Variants in SLC2A13 observed in about 807,000 individuals in gnomAD.
SLC2A13 encodes proton myo-inositol cotransporter.
In SLC2A13, 32 loss-of-function variants were observed where a neutral mutation model predicts 64.4. The ratio of observed to expected loss-of-function variants is 0.50; its 90% CI spans 0.37 to 0.67. The LOEUF (loss-of-function observed/expected upper bound fraction) is 0.67. Ranked by LOEUF, SLC2A13 falls within the 30% of genes least tolerant of loss-of-function variation. The pLI, the probability that SLC2A13 is intolerant of heterozygous loss-of-function variation, is 0.00. For synonymous variants in SLC2A13, 338 were observed against 327.1 expected (o/e 1.03, Z -0.36); for missense variants, 743 against 829.2 (o/e 0.90, Z 1.28).
intron 6 of SLC2A13, among the ~76,000 whole-genome samples, chr12:39,840,898 T>G (rs994480081): frequency 6.6e-6 from 1 of 152,126 alleles, no homozygotes; most frequent in Non-Finnish European, 1.5e-5. Flanking sequence ...TGAATGTCAC[T>G]TATATTGATA....
At chr12:39,902,446 G>A (rs1330047607) in intron 4 of SLC2A13, among the ~76,000 whole-genome samples, 2 of 151,946 alleles carry the variant, frequency 1.3e-5, no homozygotes, top group African/African-American at 4.8e-5. Context: ...CTATCAGTGT[G>A]CAATGTTATT....
intron 4 of SLC2A13, among the ~76,000 whole-genome samples, chr12:39,919,672 A>C (rs1945581229): frequency 6.6e-6 from 1 of 151,922 alleles, no homozygotes; most frequent in Non-Finnish European, 1.5e-5. Context: ...GGATGGAAAC[A>C]CCCCCCAAAC....
intron 3 of SLC2A13, among the ~76,000 whole-genome samples, chr12:40,026,272 G>A (rs953311372): frequency 6.6e-5 from 10 of 152,170 alleles, no homozygotes; most frequent in South Asian, 4.1e-4. Context: ...ATGAGCAAAC[G>A]TTATTAGGAT....
chr12:39,875,756 T>C (rs1231933405), intron 4 of SLC2A13, among the ~76,000 whole-genome samples: 4 of 152,322 alleles, frequency 2.6e-5, no homozygotes, highest in South Asian at 2.1e-4. Flanking sequence ...AAAAGTCAGG[T>C]CATGGTCTTA....
intron 1 of SLC2A13, among the ~76,000 whole-genome samples, chr12:40,104,743 AC>A (rs1939247371): frequency 6.6e-6 from 1 of 152,172 alleles, no homozygotes; most frequent in Non-Finnish European, 1.5e-5. Flanking sequence ...TCGCTAATAA[AC>A]CTTTCAGAGT....
intron 1 of SLC2A13, among the ~76,000 whole-genome samples, chr12:40,063,719 A>G (rs1451250949): frequency 6.6e-6 from 1 of 152,218 alleles, no homozygotes; most frequent in African/African-American, 2.4e-5. Flanking sequence ...AGAAAGTCAT[A>G]GAGGACGGAC....
At chr12:39,953,000 A>T (rs547207289) in intron 3 of SLC2A13, among the ~76,000 whole-genome samples, 313 of 151,918 alleles carry the variant, frequency 2.1e-3, no homozygotes, top group African/African-American at 6.8e-3. Context: ...TTTTTTTTTT[A>T]AAAAAAGACA....
intron 6 of SLC2A13, among the ~76,000 whole-genome samples, chr12:39,846,317 A>T (rs1030579966): frequency 6.6e-6 from 1 of 152,266 alleles, no homozygotes; most frequent in East Asian, 1.9e-4. Flanking sequence ...GGACAATAGG[A>T]GCATCACATT....
chr12:40,058,090 T>TA (rs1382406396), intron 1 of SLC2A13, among the ~76,000 whole-genome samples: 1 of 150,598 alleles, frequency 6.6e-6, no homozygotes, highest in Non-Finnish European at 1.5e-5. Flanking sequence ...GATAGATAGA[T>TA]TGATTTACTA....
intron 3 of SLC2A13, among the ~76,000 whole-genome samples, chr12:39,995,528 T>C (rs749798756): frequency 6.6e-6 from 1 of 152,226 alleles, no homozygotes; most frequent in Non-Finnish European, 1.5e-5. Context: ...TTGAGCTACA[T>C]GTATTAATTC....
At chr12:40,082,744 T>C (rs374586660) in intron 1 of SLC2A13, among the ~76,000 whole-genome samples, 7 of 152,272 alleles carry the variant, frequency 4.6e-5, no homozygotes, top group Non-Finnish European at 8.8e-5. Context: ...TGGAGTTCTG[T>C]CTCTGCCAGC....
chr12:39,829,392 CTTTTTTTTTTTTT>C (rs1202354539), intron 7 of SLC2A13: 3 of 65,796 alleles, frequency 4.6e-5, no homozygotes, highest in East Asian at 1.0e-3. Context: ...GATAGTAATT[CTTTTTTTTTTTTT>C]TTTTTTTTTT....
chr12:39,977,128 G>T (rs1018445472), intron 3 of SLC2A13, among the ~76,000 whole-genome samples: 1 of 152,172 alleles, frequency 6.6e-6, no homozygotes, highest in African/African-American at 2.4e-5. Context: ...ATGAGCTCAT[G>T]TTTATTCAGT....
intron 4 of SLC2A13, 28 bp from the exon 5 acceptor site, chr12:39,871,989 T>G (rs746974208): frequency 6.6e-6 from 10 of 1,507,472 alleles, no homozygotes; most frequent in Non-Finnish European, 8.9e-6. Flanking sequence ...AAACAATTGC[T>G]ATTGATAGTT....
rs929067579 is a variant in SLC2A13 at position 39,956,830 on chromosome 12, T to C, written c.926-5465A>G. ...AAAAAGTGGAACACTTTGTGACTAA[T>C]GGATTACAAGATGCAAACTGTAGGA... On this transcript the variant is annotated intron_variant, in intron 3 of 9. Coordinates refer to ENST00000280871, the MANE Select transcript of SLC2A13 (RefSeq NM_052885.4). Among the ~76,000 whole-genome samples, 154 of 152,300 alleles carry C rather than the reference T, an allele frequency of 1.0e-3. 1 individual carries two copies. The highest frequency in any genetic ancestry group is 3.4e-3 in the African/African-American group (141 of 41,550).
intron 3 of SLC2A13, among the ~76,000 whole-genome samples, chr12:39,987,955 C>A (rs1947058615): frequency 6.6e-6 from 1 of 152,124 alleles, no homozygotes; most frequent in Non-Finnish European, 1.5e-5. Context: ...AAATCCCCCA[C>A]TGACCCTCCA....
intron 7 of SLC2A13, among the ~76,000 whole-genome samples, chr12:39,822,986 C>T (rs1194330714): frequency 2.0e-5 from 3 of 152,106 alleles, no homozygotes; most frequent in East Asian, 1.9e-4. Context: ...AAATAGTATC[C>T]GAGTCTGCAA....
chr12:40,085,265 G>A (rs7960662), intron 1 of SLC2A13, among the ~76,000 whole-genome samples: 61,953 of 151,984 alleles, frequency 0.41, 12,886 homozygotes, highest in African/African-American at 0.44. Flanking sequence ...ACTGTTTTCT[G>A]ATTTCTGTGA....
intron 1 of SLC2A13, among the ~76,000 whole-genome samples, chr12:40,101,239 A>AT (rs1268161922): frequency 2.0e-5 from 3 of 151,844 alleles, no homozygotes; most frequent in Non-Finnish European, 2.9e-5. Context: ...GGCACGCAGT[A>AT]TTTTTTTTAC....
Sources: gnomAD v4.1 joint callset for allele counts (sites outside exome capture counted in the v4.1 genomes callset) on GRCh38, gnomAD v4.1.1 for gene constraint, MANE v1.5 for transcripts, NCBI Gene and HGNC (gene_info 2026-07-23, HGNC 2026-07-21) for gene names.